GFOD2: variants seen among roughly 807,000 people sequenced by gnomAD.
GFOD2 encodes the protein glucose-fructose oxidoreductase domain-containing protein 2.
A neutral mutation model predicts 24.6 loss-of-function variants in GFOD2; 9 were observed. The observed-to-expected ratio is 0.37, with a 90% confidence interval of 0.22 to 0.64. The LOEUF is 0.64. Ranked by LOEUF, GFOD2 falls within the 30% of genes least tolerant of loss-of-function variation. The pLI, the probability that GFOD2 is intolerant of heterozygous loss-of-function variation, is 0.65. For synonymous variants in GFOD2, 211 were observed against 224.8 expected (o/e 0.94, Z 0.55); for missense variants, 476 against 532.5 (o/e 0.89, Z 1.04).
intron 2 of GFOD2, chr16:67,682,694 A>G: frequency 3.0e-6 from 3 of 985,386 alleles, no homozygotes; most frequent in Non-Finnish European, 3.6e-6. Flanking sequence ...AAAAACTAAT[A>G]ATGAGGGCAA....
chr16:67,685,257 T>C (rs1272904337), intron 2 of GFOD2, 200 bp downstream of exon 2: 2 of 1,432,456 alleles, frequency 1.4e-6, no homozygotes. Flanking sequence ...TGTTCAGGGA[T>C]TTACAGATGG....
chr16:67,703,055 T>C (rs1367434581), intron 1 of GFOD2, among the ~76,000 whole-genome samples: 2 of 152,176 alleles, frequency 1.3e-5, no homozygotes, highest in Non-Finnish European at 2.9e-5. Context: ...GCCTAAGAAT[T>C]CTTCTTTCCT....
chr16:67,689,678 A>G (rs2053296422), intron 1 of GFOD2, among the ~76,000 whole-genome samples: 1 of 152,112 alleles, frequency 6.6e-6, no homozygotes, highest in South Asian at 2.1e-4. Flanking sequence ...CAAATAAAAT[A>G]AAATAAATAG....
chr16:67,709,196 A>C (rs537359216), intron 1 of GFOD2, among the ~76,000 whole-genome samples: 110 of 152,052 alleles, frequency 7.2e-4, no homozygotes, highest in Non-Finnish European at 1.3e-3. Flanking sequence ...CCAGCTACTC[A>C]GGAGAGGAGA....
At chr16:67,706,258 T>C (rs367698455) in intron 1 of GFOD2, among the ~76,000 whole-genome samples, 2 of 152,110 alleles carry the variant, frequency 1.3e-5, no homozygotes, top group African/African-American at 2.4e-5. Context: ...ATTACAGGTG[T>C]GAGCCACTGC....
At chr16:67,690,708 C>A (rs548336562) in intron 1 of GFOD2, among the ~76,000 whole-genome samples, 1 of 152,160 alleles carries the variant, frequency 6.6e-6, no homozygotes, top group African/African-American at 2.4e-5. Flanking sequence ...CTTTCCTGAA[C>A]CTTCTCACCC....
intron 2 of GFOD2, 103 bp downstream of exon 2, chr16:67,685,354 G>A: frequency 6.4e-7 from 1 of 1,552,042 alleles, no homozygotes; most frequent in Non-Finnish European, 8.7e-7. Flanking sequence ...CCTCCCTGCA[G>A]ATGCGAGCCC....
chr16:67,686,279 G>A (rs2053265697), intron 1 of GFOD2, among the ~76,000 whole-genome samples: 1 of 151,676 alleles, frequency 6.6e-6, no homozygotes, highest in South Asian at 2.1e-4. Context: ...GCAAGACCTT[G>A]TCTCAAAAGA....
At chr16:67,707,327 CA>C (rs2053445797) in intron 1 of GFOD2, among the ~76,000 whole-genome samples, 1 of 149,098 alleles carries the variant, frequency 6.7e-6, no homozygotes, top group Non-Finnish European at 1.5e-5. Context: ...CATTGCACTC[CA>C]GCCTGGGCCA....
At chr16:67,687,872 G>C (rs1189285441) in intron 1 of GFOD2, among the ~76,000 whole-genome samples, 2 of 152,008 alleles carry the variant, frequency 1.3e-5, no homozygotes, top group African/African-American at 2.4e-5. Context: ...CCAGCTATTT[G>C]GGAGGCTGAG....
At chr16:67,682,519 C>T in intron 2 of GFOD2, 1 of 985,338 alleles carries the variant, frequency 1.0e-6, no homozygotes, top group African/African-American at 1.7e-5. Flanking sequence ...TAGGGCCCTT[C>T]CCCTCTCCCC....
At chr16:67,695,534 G>GTTT (rs775681594) in intron 1 of GFOD2, among the ~76,000 whole-genome samples, 9 of 132,530 alleles carry the variant, frequency 6.8e-5, no homozygotes, top group Admixed American at 1.5e-4. Flanking sequence ...TTCTACTTAA[G>GTTT]TTTTTTTTTT....
At chr16:67,686,151 T>A (rs1350125244) in intron 1 of GFOD2, among the ~76,000 whole-genome samples, 1 of 152,072 alleles carries the variant, frequency 6.6e-6, no homozygotes, top group Non-Finnish European at 1.5e-5. Flanking sequence ...TGTGGTGGCA[T>A]GCGCTTGTTG....
At position 67,674,976 on chromosome 16, in the gene GFOD2, T is replaced by G; in HGVS notation, c.*179A>C. On this transcript the variant is annotated 3_prime_UTR_variant, in exon 3 of 3. Coordinates refer to ENST00000268797, the MANE Select transcript of GFOD2 (RefSeq NM_030819.4). ...CTGGCAACAGGAACATTTGCCACCC[T>G]GCAAGTCTGAGGAGCAGATGAGCCA... 1.5e-6 allele frequency: 1 copy of G among 687,222 alleles called. No homozygotes were observed. Among genetic ancestry groups the G allele is most frequent in the South Asian group, 1.9e-5 (1 of 53,424 alleles). The allele number at this position is 687,222 out of a possible 1,614,324, so 42.6% of individuals were successfully genotyped here. A position where few individuals can be genotyped will look rare whatever the true frequency, so the allele number is the denominator to read the frequency against.
intron 2 of GFOD2, chr16:67,681,444 G>A (rs2053224566): frequency 4.1e-6 from 4 of 974,342 alleles, no homozygotes; most frequent in Non-Finnish European, 3.7e-6. Context: ...TTTTTTAGAT[G>A]GGGACTCGCT....
At chr16:67,709,910 G>A (rs1386899046) in intron 1 of GFOD2, among the ~76,000 whole-genome samples, 6 of 151,294 alleles carry the variant, frequency 4.0e-5, no homozygotes. Flanking sequence ...TTACGGGCGT[G>A]AGCCACCGTG....
In GFOD2 at chr16:67,675,739, G is replaced by A. The variant is rs371262764; in HGVS notation, c.574C>T (p.Arg192Trp). 1.1e-4 allele frequency: 181 copies of A among 1,613,950 alleles called. No homozygotes were observed. The highest frequency in any genetic ancestry group is 1.3e-4 in the Non-Finnish European group (157 of 1,180,036). The change falls in exon 3 of 3, where the codon CGG (arginine) becomes TGG (tryptophan). Residue 192 changes from arginine (R) to tryptophan (W), a missense_variant. By Grantham distance (101) the Arg-to-Trp change is moderately radical (BLOSUM62 -3). Transcript: ENST00000268797. ...AGCCCGTGCACCTTCTCGGCTCTCC[G>A]GCCGGTCAGGTGGGTCAGCAGGTCC... ...IVDLLTHLTG[R>W]RAEKVHGLLK...
chr16:67,715,854 T>G (rs1219717106), intron 1 of GFOD2, among the ~76,000 whole-genome samples: 2 of 151,248 alleles, frequency 1.3e-5, no homozygotes, highest in African/African-American at 4.9e-5. Context: ...AAAAAACTTG[T>G]TTTATTAGCT....
At chr16:67,677,232 A>C (rs1330811793) in intron 2 of GFOD2, 2 of 152,184 alleles carry the variant, frequency 1.3e-5, no homozygotes, top group Non-Finnish European at 2.9e-5. Context: ...AAAAATATTG[A>C]GATAGAGTCT....
Sources: allele counts gnomAD v4.1 joint callset (sites outside exome capture counted in the v4.1 genomes callset), GRCh38; gene constraint gnomAD v4.1.1; transcripts MANE v1.5; gene names NCBI Gene and HGNC (gene_info 2026-07-23, HGNC 2026-07-21).